The following DEGS2 variants were observed in gnomAD, a reference collection of about 807,000 sequenced individuals.
The protein encoded by DEGS2 is sphingolipid delta(4)-desaturase/C4-monooxygenase DES2.
Under a neutral mutation model 23.8 loss-of-function variants are expected in DEGS2, and 19 were observed. That is an observed-to-expected ratio of 0.80 (90% CI 0.56 to 1.17). The LOEUF (loss-of-function observed/expected upper bound fraction) is 1.17, where lower values mean the gene tolerates loss of function less well. DEGS2 is among the 50% of genes most tolerant of loss of function. The pLI is 0.00. For missense variants in DEGS2, 390 were observed against 459.5 expected, an observed-to-expected ratio of 0.85 and a Z score of 1.38; for synonymous variants, 218 against 213.7, an observed-to-expected ratio of 1.02 and a Z score of -0.18.
the DEGS2 span, among the ~76,000 whole-genome samples, chr14:100,165,956 G>A: frequency 2.0e-5 from 2 of 101,746 alleles, no homozygotes; most frequent in African/African-American, 3.8e-5. Flanking sequence ...GAGCCTGCCT[G>A]GGAGAGTGGG....
rs559458855 is a variant in DEGS2, at chr14:100,149,160, G to A, written c.633C>T (p.Tyr211=). The change falls in exon 2 of 3, where the codon TAC becomes TAT. Residue 211 remains tyrosine, a synonymous_variant. Transcript: ENST00000305631. ...GGCCCAGGAAGGAGCTGGCCAGCAG[G>A]TAGACCACGGGCTTGAGCCCCCAAA... ...FALWGLKPVV[Y]LLASSFLGLG... is the part of the protein sequence containing the mutation. The A allele has an allele frequency of 1.2e-6, 2 of 1,612,934 alleles. No homozygotes were observed. Among genetic ancestry groups the A allele is most frequent in the African/African-American group, 2.7e-5 (2 of 75,066 alleles).
At chr14:100,162,271 G>A (rs374709354), upstream of DEGS2, among the ~76,000 whole-genome samples, 124 of 152,110 alleles carry the variant, frequency 8.2e-4, no homozygotes, top group African/African-American at 2.3e-3. Context: ...GCATGAACCC[G>A]GGAGGCGGAG....
At chr14:100,156,221 A>C (rs976070744) in intron 1 of DEGS2, among the ~76,000 whole-genome samples, 1 of 152,246 alleles carries the variant, frequency 6.6e-6, no homozygotes, top group Non-Finnish European at 1.5e-5. Flanking sequence ...CTGCCTGAGC[A>C]CCAGCCTGGC....
At chr14:100,164,379 T>C (rs150966118), upstream of DEGS2, among the ~76,000 whole-genome samples, 375 of 152,168 alleles carry the variant, frequency 2.5e-3, 5 homozygotes, top group East Asian at 0.022. Context: ...CTCACCCCTG[T>C]GATCCTAGCA....
intron 1 of DEGS2, among the ~76,000 whole-genome samples, chr14:100,158,019 G>A (rs1053350934): frequency 5.3e-5 from 8 of 150,092 alleles, no homozygotes; most frequent in African/African-American, 1.5e-4. Flanking sequence ...CCTGGGAGGC[G>A]GAGGTTGCGG....
rs1212985699 is a variant in DEGS2, at chr14:100,159,605, C to T, written c.-18G>A. Reference sequence around the variant, plus strand: ...TTGCCCATGGTGGGGCGGGAGGCGCCGTTCGGAGCGCGGCCGGCTCGGCTC... The same window carrying T: ...TTGCCCATGGTGGGGCGGGAGGCGCTGTTCGGAGCGCGGCCGGCTCGGCTC... On this transcript the variant is annotated 5_prime_UTR_variant, in exon 1 of 3. Transcript: ENST00000305631. 2.8e-6 allele frequency: 4 copies of T among 1,421,618 alleles called. No homozygotes were observed. The highest frequency in any genetic ancestry group is 2.8e-6 in the Non-Finnish European group (3 of 1,080,666). The allele number at this position is 1,421,618 out of a possible 1,614,324, so 88.1% of individuals were successfully genotyped here.
At chr14:100,150,853 G>A (rs1889558577) in intron 1 of DEGS2, among the ~76,000 whole-genome samples, 1 of 151,982 alleles carries the variant, frequency 6.6e-6, no homozygotes, top group South Asian at 2.1e-4. Context: ...GCACACAGAA[G>A]GACAGCAGCG....
rs751321014 is a variant in DEGS2, at chr14:100,146,856, A to C, written c.877T>G (p.Trp293Gly). The C allele has an allele frequency of 6.2e-7, 1 of 1,613,764 alleles. No individual in the cohort carries two copies. The highest frequency in any genetic ancestry group is 1.1e-5 in the South Asian group (1 of 91,078). The change falls in exon 3 of 3, where the codon TGG (tryptophan) becomes GGG (glycine). Residue 293 changes from tryptophan (W) to glycine (G), a missense_variant. Trp to Gly is a radical substitution (Grantham distance 184). Transcript: ENST00000305631. ...ACAAAATCCCAGAGCACCTTCACCC[A>C]GGAGTGGTGCTGCGGCAGGTGGTCG... ...YYDHLPQHHSWVKVLWDFVFE... is the reference protein window; with the variant it reads ...YYDHLPQHHSGVKVLWDFVFE...
the DEGS2 span, among the ~76,000 whole-genome samples, chr14:100,165,698 C>T: frequency 6.6e-6 from 1 of 152,110 alleles, no homozygotes; most frequent in Non-Finnish European, 1.5e-5. Context: ...TGCCTGCCTC[C>T]TTCCGGGCTG....
chr14:100,153,548 G>T (rs1157721547), intron 1 of DEGS2, among the ~76,000 whole-genome samples: 3 of 152,204 alleles, frequency 2.0e-5, no homozygotes, highest in African/African-American at 4.8e-5. Flanking sequence ...ATGAGGAATT[G>T]CAGGCCTGCA....
At chr14:100,147,416 A>G (rs1017024349) in intron 2 of DEGS2, among the ~76,000 whole-genome samples, 2 of 152,066 alleles carry the variant, frequency 1.3e-5, no homozygotes, top group African/African-American at 4.8e-5. Flanking sequence ...TGTCACACCC[A>G]TGCATCTCAG....
chr14:100,152,359 G>C (rs1287581499), intron 1 of DEGS2, among the ~76,000 whole-genome samples: 1 of 152,132 alleles, frequency 6.6e-6, no homozygotes, highest in Non-Finnish European at 1.5e-5. Flanking sequence ...GGGTGCCAAG[G>C]GGACTCAGGA....
Position 100,146,918 on chromosome 14 carries a change from G to A in DEGS2, c.826-11C>T. On this transcript the variant is annotated splice_polypyrimidine_tract_variant and intron_variant, in intron 2 of 2. Transcript: ENST00000305631. ...CGCGATCTTCCGCACCTGTAGAGAG[G>A]AGGGCGGGGCTCAGGGGCTGGTTCT... is the stretch of plus-strand genomic sequence containing the variant. 1 of 1,610,146 alleles carries A rather than the reference G, an allele frequency of 6.2e-7. No individual in the cohort carries two copies. The highest frequency in any genetic ancestry group is 8.5e-7 in the Non-Finnish European group (1 of 1,178,286).
intron 1 of DEGS2, among the ~76,000 whole-genome samples, chr14:100,150,172 G>C (rs548409283): frequency 6.6e-6 from 1 of 152,206 alleles, no homozygotes; most frequent in South Asian, 2.1e-4. Context: ...AGGAGGACCT[G>C]CTGGCAGCTC....
At chr14:100,161,950 A>G (rs1292836071), upstream of DEGS2, among the ~76,000 whole-genome samples, 1 of 125,140 alleles carries the variant, frequency 8.0e-6, no homozygotes, top group Admixed American at 7.7e-5. Context: ...GGCACCTGTA[A>G]TCGAGGCAGG....
upstream of DEGS2, among the ~76,000 whole-genome samples, chr14:100,162,276 G>C (rs1889758199): frequency 6.6e-6 from 1 of 152,046 alleles, no homozygotes. Context: ...AACCCGGGAG[G>C]CGGAGCTTGC....
rs1254906096 is a variant in DEGS2 at position 100,144,979 on chromosome 14, C to T, written c.*1782G>A. 2.0e-5 allele frequency: 3 copies of T among 152,316 alleles called. No homozygotes were observed. Among genetic ancestry groups the T allele is most frequent in the African/African-American group, 7.2e-5 (3 of 41,466 alleles). The allele number at this position is 152,316 out of a possible 1,614,324, so 9.4% of individuals were successfully genotyped here. A position where few individuals can be genotyped will look rare whatever the true frequency, so the allele number is the denominator to read the frequency against. ...GACTGCTCTGCCCCTTAGGAGGCTCCACTCTCTGAGTGGCTTCGCCTAGGC... is the reference window on the plus strand; with the variant it reads ...GACTGCTCTGCCCCTTAGGAGGCTCTACTCTCTGAGTGGCTTCGCCTAGGC... On this transcript the variant is annotated 3_prime_UTR_variant, in exon 3 of 3. Coordinates refer to ENST00000305631, the MANE Select transcript of DEGS2 (RefSeq NM_206918.3).
In DEGS2 at chr14:100,144,050, C is replaced by T. The variant is rs1408424600; in HGVS notation, c.*2711G>A. Reference sequence around the variant, plus strand: ...AGTCACCTGCTTCATTAGACGGTTTCCAGGTTTTCTCCCAGGTGACGCTGT... The same window carrying T: ...AGTCACCTGCTTCATTAGACGGTTTTCAGGTTTTCTCCCAGGTGACGCTGT... On this transcript the variant is annotated 3_prime_UTR_variant, in exon 3 of 3. Coordinates refer to ENST00000305631, the MANE Select transcript of DEGS2 (RefSeq NM_206918.3). 4.9e-6 allele frequency: 2 copies of T among 411,826 alleles called. No individual in the cohort carries two copies. Among genetic ancestry groups the T allele is most frequent in the East Asian group, 9.2e-5 (2 of 21,708 alleles). The allele number at this position is 411,826 out of a possible 1,614,324, so 25.5% of individuals were successfully genotyped here.
chr14:100,161,188 C>T (rs1360499067), upstream of DEGS2, among the ~76,000 whole-genome samples: 5 of 152,138 alleles, frequency 3.3e-5, no homozygotes, highest in African/African-American at 7.2e-5. Flanking sequence ...TGTTGAACTC[C>T]GTGAGATCTG....
Sources: gnomAD v4.1 joint callset for allele counts (sites outside exome capture counted in the v4.1 genomes callset) on GRCh38, gnomAD v4.1.1 for gene constraint, MANE v1.5 for transcripts, NCBI Gene and HGNC (gene_info 2026-07-23, HGNC 2026-07-21) for gene names.